Variants in GUCY2F observed in about 807,000 individuals in gnomAD.
GUCY2F encodes the protein retinal guanylyl cyclase 2.
A neutral mutation model predicts 73.1 loss-of-function variants in GUCY2F; 61 were observed. That is an observed-to-expected ratio of 0.83 (90% CI 0.68 to 1.03). The LOEUF (loss-of-function observed/expected upper bound fraction) is 1.03, where lower values mean the gene tolerates loss of function less well. Ranked by LOEUF, GUCY2F falls within the 50% of genes least tolerant of loss-of-function variation. The pLI is 0.00. For missense variants in GUCY2F, 912 were observed against 854.3 expected (o/e 1.07, Z -0.84); for synonymous variants, 331 against 307.8 (o/e 1.08, Z -0.79).
chrX:109,425,441 T>TTA (rs1443676699), intron 8 of GUCY2F, among the ~76,000 whole-genome samples: 1 of 106,970 alleles, frequency 9.3e-6, no homozygotes, highest in Non-Finnish European at 1.9e-5. Context: ...ATACATATAT[T>TTA]TATATATATG....
chrX:109,417,631 G>T (rs972475731), intron 8 of GUCY2F, among the ~76,000 whole-genome samples: 15 of 111,051 alleles, frequency 1.4e-4, no homozygotes, highest in African/African-American at 4.9e-4. Flanking sequence ...TAGATGATGA[G>T]AAATCTAACT....
At chrX:109,393,254 T>TC (rs1930615042) in intron 12 of GUCY2F, among the ~76,000 whole-genome samples, 199 bp from the exon 13 acceptor site, 1 of 99,449 alleles carries the variant, frequency 1.0e-5, no homozygotes, top group Non-Finnish European at 2.0e-5. Context: ...CTGCACCTCT[T>TC]CCCCCACCCC....
intron 8 of GUCY2F, among the ~76,000 whole-genome samples, chrX:109,412,745 C>T (rs1021443717): frequency 8.9e-6 from 1 of 112,213 alleles, no homozygotes; most frequent in Non-Finnish European, 1.9e-5. Flanking sequence ...GAATTCCAAG[C>T]AATGGAATAG....
At chrX:109,463,123 C>A (rs1019205314) in intron 3 of GUCY2F, among the ~76,000 whole-genome samples, 3 of 111,553 alleles carry the variant, frequency 2.7e-5, no homozygotes, top group African/African-American at 9.8e-5. Flanking sequence ...ATACATAAAC[C>A]TAAATTTCAT....
Position 109,447,282 on chromosome X carries a change from C to A in GUCY2F, c.1569+787G>T, listed in dbSNP as rs1932035334. Among the ~76,000 whole-genome samples, 4 of 111,050 alleles carry A rather than the reference C, an allele frequency of 3.6e-5. 1 individual carries two copies. Among genetic ancestry groups the A allele is most frequent in the Admixed American group, 2.9e-4 (3 of 10,503 alleles). On this transcript the variant is annotated intron_variant, in intron 6 of 19. Coordinates refer to ENST00000218006, the MANE Select transcript of GUCY2F (RefSeq NM_001522.3). The stretch of plus-strand genomic sequence containing the variant: ...CAGCCATCCCATTACTGGGTATATA[C>A]CCAAAGGATTATAAATCATGCTGCT...
intron 16 of GUCY2F, among the ~76,000 whole-genome samples, chrX:109,384,950 G>A (rs1293725212): frequency 1.8e-5 from 2 of 111,741 alleles, no homozygotes; most frequent in African/African-American, 6.5e-5. Flanking sequence ...CTTAGCTACA[G>A]CTTCATTTCT....
intron 7 of GUCY2F, among the ~76,000 whole-genome samples, chrX:109,434,267 T>A (rs949444071): frequency 2.7e-5 from 3 of 110,573 alleles, no homozygotes; most frequent in Non-Finnish European, 3.8e-5. Context: ...TTAGAGCAGA[T>A]CCTGACATGT....
chrX:109,421,461 T>C (rs1291948156), intron 8 of GUCY2F, among the ~76,000 whole-genome samples: 1 of 111,491 alleles, frequency 9.0e-6, no homozygotes, highest in African/African-American at 3.3e-5. Context: ...TTGAGGACAT[T>C]ATGCCAAGTG....
intron 7 of GUCY2F, among the ~76,000 whole-genome samples, chrX:109,436,499 G>C (rs1325623540): frequency 1.8e-5 from 2 of 110,968 alleles, no homozygotes; most frequent in Admixed American, 1.9e-4. Flanking sequence ...TGTTTATTGC[G>C]GCACTATTCA....
intron 8 of GUCY2F, among the ~76,000 whole-genome samples, chrX:109,426,668 C>T (rs1931497549): frequency 1.8e-5 from 2 of 112,472 alleles, no homozygotes; most frequent in Admixed American, 1.9e-4. Flanking sequence ...GGATTACAGG[C>T]GTGAGCCACC....
At chrX:109,418,185 A>G (rs757510026) in intron 8 of GUCY2F, among the ~76,000 whole-genome samples, 2 of 111,745 alleles carry the variant, frequency 1.8e-5, no homozygotes, top group Non-Finnish European at 3.8e-5. Flanking sequence ...CAGAACTTCA[A>G]TGCACCTGAA....
chrX:109,446,650 C>T lies in GUCY2F; in HGVS notation c.1569+1419G>A, dbSNP rs1458748144. 1.3e-4 allele frequency among the ~76,000 whole-genome samples: 15 copies of T among 111,700 alleles called. 1 individual carries two copies. Among genetic ancestry groups the T allele is most frequent in the Admixed American group, 8.5e-4 (9 of 10,560 alleles). On this transcript the variant is annotated intron_variant, in intron 6 of 19. Transcript: ENST00000218006. ...CAAGATGGATTAAAGACTTAAATGTCAGACCTAAAACCATAAAAACCCTAG... is the reference window on the plus strand; with the variant it reads ...CAAGATGGATTAAAGACTTAAATGTTAGACCTAAAACCATAAAAACCCTAG...
chrX:109,406,344 T>G (rs1490422415), intron 9 of GUCY2F, among the ~76,000 whole-genome samples: 2 of 111,362 alleles, frequency 1.8e-5, no homozygotes, highest in African/African-American at 3.3e-5. Context: ...GAGCCACCAT[T>G]TAGAAGGGTG....
At position 109,409,066 on chromosome X, in the gene GUCY2F, C is replaced by T; in HGVS notation, c.1894G>A (p.Glu632Lys). 1 of 1,104,828 alleles carries T rather than the reference C, an allele frequency of 9.1e-7. No homozygotes were observed. Among genetic ancestry groups the T allele is most frequent in the Non-Finnish European group, 1.3e-6 (1 of 797,727 alleles). 91.1% of individuals were successfully genotyped at this position (1,104,828 alleles called of 1,213,427 possible). The stretch of plus-strand genomic sequence containing the variant: ...ACATCTTGATTTGTCAGTATGTCTT[C>T]TAGGCTCCCTCGGGAACAGAATTCT... The part of the protein sequence containing the change: ...VTEFCSRGSL[E>K]DILTNQDVKL... Residue 632 changes from glutamate to lysine, a missense_variant, in exon 9 of 20, where the codon GAA becomes AAA. Physicochemically the swap from Glu to Lys is moderately conservative, Grantham distance 56. Coordinates refer to ENST00000218006, the MANE Select transcript of GUCY2F (RefSeq NM_001522.3).
At chrX:109,474,183 T>G (rs1014719456) in intron 2 of GUCY2F, among the ~76,000 whole-genome samples, 11 of 111,608 alleles carry the variant, frequency 9.9e-5, no homozygotes, top group African/African-American at 3.6e-4. Context: ...AACAAACATT[T>G]CCTTAACAAT....
Position 109,475,251 on chromosome X carries a change from A to C in GUCY2F, c.686T>G (p.Met229Arg). The C allele has an allele frequency of 8.3e-7, 1 of 1,210,130 alleles. No individual in the cohort carries two copies. ...GTGAATCCTCTGGAGGGCTTTCCGCATGCTTTGGCTGTCTTGTCCTGTGGT... is the reference window on the plus strand; with the variant it reads ...GTGAATCCTCTGGAGGGCTTTCCGCCTGCTTTGGCTGTCTTGTCCTGTGGT... ...VLTTGQDSQS[M>R]RKALQRIHQA... The change falls in exon 2 of 20, where the codon ATG becomes AGG. Residue 229 changes from methionine (M) to arginine (R), a missense_variant. Met to Arg is a moderately conservative substitution (Grantham distance 91). Coordinates refer to ENST00000218006, the MANE Select transcript of GUCY2F (RefSeq NM_001522.3).
At chrX:109,440,365 AG>A (rs1409917716) in intron 7 of GUCY2F, among the ~76,000 whole-genome samples, 1 of 112,080 alleles carries the variant, frequency 8.9e-6, no homozygotes, top group East Asian at 2.8e-4. Context: ...CACCTTCTAA[AG>A]GCCCCATCTC....
rs765639310 is a variant in GUCY2F at position 109,388,529 on chromosome X, C to T, written c.2916G>A (p.Met972Ile). The part of the protein sequence containing the change: ...SSVGTFKMRH[M>I]PEVPVRIRIG... The stretch of plus-strand genomic sequence containing the variant: ...TTCGAATTCGGACCGGCACTTCTGG[C>T]ATGTGCCGCATCTTGAAAGTGCCCA... Residue 972 changes from methionine to isoleucine, a missense_variant, in exon 15 of 20, where the codon ATG becomes ATA. By Grantham distance (10) the Met-to-Ile change is conservative. Transcript: ENST00000218006. The T allele has an allele frequency of 1.1e-5, 13 of 1,204,577 alleles. No homozygotes were observed. The highest frequency in any genetic ancestry group is 1.7e-5 in the African/African-American group (1 of 57,153).
intron 8 of GUCY2F, among the ~76,000 whole-genome samples, chrX:109,428,271 A>T (rs914902911): frequency 8.9e-6 from 1 of 112,104 alleles, no homozygotes; most frequent in African/African-American, 3.2e-5. Flanking sequence ...GACACCACCT[A>T]AATTAAGTAA....
Sources: allele counts gnomAD v4.1 joint callset (sites outside exome capture counted in the v4.1 genomes callset), GRCh38; gene constraint gnomAD v4.1.1; transcripts MANE v1.5; gene names NCBI Gene and HGNC (gene_info 2026-07-23, HGNC 2026-07-21).